CASP8: variants seen among roughly 807,000 people sequenced by gnomAD.
CASP8 encodes caspase 8, also known as caspase-8.
Under a neutral mutation model 46.3 loss-of-function variants are expected in CASP8, and 24 were observed. That is an observed-to-expected ratio of 0.52 (90% CI 0.38 to 0.73). The LOEUF is 0.73. Among genes scored for constraint, CASP8 ranks in the 30% least tolerant of loss-of-function variants. CASP8 has a pLI of 0.00. For missense variants in CASP8, 460 were observed against 559.0 expected, an observed-to-expected ratio of 0.82 and a Z score of 1.79; for synonymous variants, 188 against 200.4, an observed-to-expected ratio of 0.94 and a Z score of 0.52.
intron 7 of CASP8, among the ~76,000 whole-genome samples, chr2:201,282,515 C>CG (rs1259033980): frequency 1.0e-4 from 11 of 110,528 alleles, no homozygotes; most frequent in Admixed American, 2.4e-4. Context: ...AGGGGCGGCC[C>CG]GGCAGAAGCG....
At chr2:201,281,745 C>A in intron 7 of CASP8, 1 of 774,262 alleles carries the variant, frequency 1.3e-6, no homozygotes, top group South Asian at 1.5e-5. Flanking sequence ...CAGTAGTAAG[C>A]CTAAATGATA....
intron 2 of CASP8, among the ~76,000 whole-genome samples, chr2:201,251,877 C>A (rs1329572385): frequency 1.3e-5 from 2 of 151,984 alleles, no homozygotes; most frequent in Non-Finnish European, 2.9e-5. Context: ...TGCACTCCAG[C>A]CTGGGAGACA....
intron 7 of CASP8, among the ~76,000 whole-genome samples, chr2:201,279,412 G>A (rs1948856292): frequency 6.6e-6 from 1 of 152,198 alleles, no homozygotes. Context: ...TTGGTTCCAA[G>A]ACACTGGCAG....
chr2:201,238,120 G>A (rs544534760), intron 2 of CASP8, among the ~76,000 whole-genome samples: 1 of 152,310 alleles, frequency 6.6e-6, no homozygotes, highest in African/African-American at 2.4e-5. Flanking sequence ...CAAAGAGGAA[G>A]AGTATTCCAA....
At position 201,271,760 on chromosome 2, in the gene CASP8, C is replaced by T. The variant is rs1948262979; in HGVS notation, c.411+139C>T. On this transcript the variant is annotated intron_variant, in intron 3 of 8. Coordinates refer to ENST00000673742, the MANE Select transcript of CASP8 (RefSeq NM_001372051.1). ...AACTAGAAGAAGAAAGTTGTCAGCA[C>T]GAGTGTTACAGATGTGATTCCTTTA... 9 of 703,984 alleles carry T rather than the reference C, an allele frequency of 1.3e-5. No individual in the cohort carries two copies. The East Asian group carries it at 1.3e-4, about 11-fold the overall frequency. 43.6% of individuals were successfully genotyped at this position (703,984 alleles called of 1,614,324 possible). A position where few individuals can be genotyped will look rare whatever the true frequency, so the allele number is the denominator to read the frequency against.
Position 201,266,601 on chromosome 2 carries a change from A to G in CASP8, c.115A>G (p.Lys39Glu). 6.2e-7 allele frequency: 1 copy of G among 1,614,224 alleles called. No homozygotes were observed. The highest frequency in any genetic ancestry group is 8.5e-7 in the Non-Finnish European group (1 of 1,180,028). ...TCCGCAAAGGAAGCAAGAACCCATC[A>G]AGGATGCCTTGATGTTATTCCAGAG... is the stretch of plus-strand genomic sequence containing the variant. ...YIPQRKQEPIKDALMLFQRLQ... is the reference protein window; with the variant it reads ...YIPQRKQEPIEDALMLFQRLQ... Residue 39 changes from lysine (K) to glutamate (E), a missense_variant, in exon 2 of 9, where the codon AAG becomes GAG. Coordinates refer to ENST00000673742, the MANE Select transcript of CASP8 (RefSeq NM_001372051.1). This position sits in a 1 kb window ranked among gnomAD's most constrained non-coding sequence, Gnocchi z 5.7.
intron 2 of CASP8, 103 bp from the exon 3 acceptor site, chr2:201,271,413 T>C (rs1948237543): frequency 3.9e-6 from 3 of 773,638 alleles, no homozygotes; most frequent in Non-Finnish European, 2.4e-6. Flanking sequence ...ACTGGCTTTA[T>C]GTTGAAGGGA....
At chr2:201,281,909 G>A (rs1302136499) in intron 7 of CASP8, 2 of 1,407,106 alleles carry the variant, frequency 1.4e-6, no homozygotes, top group African/African-American at 1.8e-5. Context: ...AGAGGGTTTT[G>A]CTCTTGAATT....
chr2:201,264,929 G>T (rs1947689154), intron 1 of CASP8, among the ~76,000 whole-genome samples: 1 of 152,178 alleles, frequency 6.6e-6, no homozygotes, highest in South Asian at 2.1e-4. Context: ...GGAGGGTGAC[G>T]CCGGTAGGGC....
In CASP8 at chr2:201,272,996, G is replaced by A; in HGVS notation, c.595+54G>A. The A allele has an allele frequency of 1.4e-6, 2 of 1,445,702 alleles. No homozygotes were observed. Among genetic ancestry groups the A allele is most frequent in the Non-Finnish European group, 1.9e-6 (2 of 1,028,654 alleles). 89.6% of individuals were successfully genotyped at this position (1,445,702 alleles called of 1,614,324 possible). Reference sequence around the variant, plus strand: ...TTAGTTAATTTACTATCTGGTACCTGCATGTGTCCTCCCCACAGCCTTCTA... The same window carrying A: ...TTAGTTAATTTACTATCTGGTACCTACATGTGTCCTCCCCACAGCCTTCTA... On this transcript the variant is annotated intron_variant, in intron 5 of 8. Coordinates refer to ENST00000673742, the MANE Select transcript of CASP8 (RefSeq NM_001372051.1). The surrounding 1 kb of genome is among the most constrained non-coding windows in gnomAD (Gnocchi z 4.4).
chr2:201,248,308 C>A (rs1296030275), intron 2 of CASP8, among the ~76,000 whole-genome samples: 1 of 151,994 alleles, frequency 6.6e-6, no homozygotes, highest in African/African-American at 2.4e-5. Context: ...TGCAGGAAGG[C>A]CCCAGCAGAA....
chr2:201,271,034 G>A (rs1418195788), intron 2 of CASP8, among the ~76,000 whole-genome samples: 2 of 152,094 alleles, frequency 1.3e-5, no homozygotes, highest in Admixed American at 6.5e-5. Context: ...AGGTCCTTTC[G>A]TGTTTGCGGT....
At chr2:201,274,840 A>G in intron 5 of CASP8, 49 bp from the exon 6 acceptor site, 1 of 1,360,276 alleles carries the variant, frequency 7.4e-7, no homozygotes, top group Non-Finnish European at 1.1e-6. Context: ...TTACCAGTGT[A>G]CCTTTCCTGC....
At position 201,255,044 on chromosome 2, in the gene CASP8, T is replaced by A. The variant is rs13402616; in HGVS notation, c.-26-11417T>A. The stretch of plus-strand genomic sequence containing the variant: ...TAATAATGATCTTTGTGCTTCACAA[T>A]AGGAATTCAACCAACCTGAGGTTTA... On this transcript the variant is annotated intron_variant, in intron 2 of 6. Coordinates refer to the CASP8 transcript ENST00000264274. Among the ~76,000 whole-genome samples the A allele has an allele frequency of 3.3e-5, 5 of 152,148 alleles. No individual in the cohort carries two copies. The East Asian group carries it at 9.6e-4, about 29-fold the overall frequency.
rs1431001925 is a variant in CASP8, at chr2:201,272,793, A to G, written c.550+17A>G. 1.9e-6 allele frequency: 3 copies of G among 1,614,100 alleles called. No homozygotes were observed. The highest frequency in any genetic ancestry group is 2.5e-6 in the Non-Finnish European group (3 of 1,180,038). ...TCAGCAAAGGTAGAAACAACCTGACAGCCGGGAATCGGCAAAACCTACTCT... is the reference window on the plus strand; with the variant it reads ...TCAGCAAAGGTAGAAACAACCTGACGGCCGGGAATCGGCAAAACCTACTCT... On this transcript the variant is annotated intron_variant, in intron 4 of 8. Coordinates refer to ENST00000673742, the MANE Select transcript of CASP8 (RefSeq NM_001372051.1). This position sits in a 1 kb window ranked among gnomAD's most constrained non-coding sequence, Gnocchi z 4.4.
chr2:201,240,647 A>G (rs895772706), intron 2 of CASP8: 7 of 152,362 alleles, frequency 4.6e-5, no homozygotes, highest in African/African-American at 1.7e-4. Context: ...ATAAGGAAAC[A>G]GGGGACTTAA....
At chr2:201,269,173 C>T (rs1470495299) in intron 2 of CASP8, among the ~76,000 whole-genome samples, 1 of 152,032 alleles carries the variant, frequency 6.6e-6, no homozygotes, top group Non-Finnish European at 1.5e-5. Flanking sequence ...CTCCTGGGCT[C>T]ATGCAATCTG....
At chr2:201,250,736 C>A (rs1946741682) in intron 2 of CASP8, among the ~76,000 whole-genome samples, 1 of 152,190 alleles carries the variant, frequency 6.6e-6, no homozygotes, top group Admixed American at 6.5e-5. Flanking sequence ...AGTCGTGGTG[C>A]CATATTTTGT....
At chr2:201,255,857 T>C (rs1270073887), upstream of CASP8, among the ~76,000 whole-genome samples, 1 of 152,148 alleles carries the variant, frequency 6.6e-6, no homozygotes, top group East Asian at 1.9e-4. Context: ...CACACTCCAG[T>C]TATCCTCTCA....
Sources: allele counts gnomAD v4.1 joint callset (sites outside exome capture counted in the v4.1 genomes callset), GRCh38; gene constraint gnomAD v4.1.1; non-coding constraint Gnocchi (gnomAD v3.1); transcripts MANE v1.5; gene names NCBI Gene and HGNC (gene_info 2026-07-23, HGNC 2026-07-21).